Variants in GALNT17 observed in about 807,000 individuals in gnomAD.
GALNT17 encodes polypeptide N-acetylgalactosaminyltransferase 17.
Under a neutral mutation model 63.7 loss-of-function variants are expected in GALNT17, and 29 were observed. The observed-to-expected ratio is 0.46, with a 90% CI of 0.34 to 0.62. The LOEUF (loss-of-function observed/expected upper bound fraction) is 0.62. Ranked by LOEUF, GALNT17 falls within the 20% of genes least tolerant of loss-of-function variation. The probability of loss-of-function intolerance (pLI) is 0.01; values close to 1 mark genes in which losing one functional copy is unlikely to be tolerated. For missense variants in GALNT17, 603 were observed against 799.6 expected, an observed-to-expected ratio of 0.75 and a Z score of 2.97; for synonymous variants, 305 against 318.3, an observed-to-expected ratio of 0.96 and a Z score of 0.45.
At chr7:71,487,922 A>G (rs957334645) in intron 5 of GALNT17, among the ~76,000 whole-genome samples, 9 of 151,958 alleles carry the variant, frequency 5.9e-5, no homozygotes, top group African/African-American at 1.9e-4. Context: ...AATTCCAGTG[A>G]TTCAGGAGGC....
At chr7:71,161,648 A>C (rs2116251915) in intron 1 of GALNT17, among the ~76,000 whole-genome samples, 1 of 152,162 alleles carries the variant, frequency 6.6e-6, no homozygotes, top group East Asian at 1.9e-4. Context: ...TTTATTTAAA[A>C]ATTAATTTCA....
At chr7:71,489,451 T>A (rs1787970562) in intron 5 of GALNT17, among the ~76,000 whole-genome samples, 1 of 152,204 alleles carries the variant, frequency 6.6e-6, no homozygotes, top group African/African-American at 2.4e-5. Context: ...GTAAGTGACT[T>A]AACTGTTCTG....
chr7:71,574,230 C>G lies in GALNT17; in HGVS notation c.1080+2828C>G, dbSNP rs561343121. 9.2e-5 allele frequency among the ~76,000 whole-genome samples: 14 copies of G among 152,214 alleles called. No individual in the cohort carries two copies. In the South Asian group the frequency reaches 1.0e-3, roughly 11 times the overall value. ...TAATTCTATTTTAAGTTCTTTCAGCCGTTGTGGAAGGCAGTTTGGGGATTC... is the reference window on the plus strand; with the variant it reads ...TAATTCTATTTTAAGTTCTTTCAGCGGTTGTGGAAGGCAGTTTGGGGATTC... On this transcript the variant is annotated intron_variant, in intron 6 of 10. Coordinates refer to ENST00000333538, the MANE Select transcript of GALNT17 (RefSeq NM_022479.3).
chr7:71,208,510 G>T (rs924190124), intron 1 of GALNT17, among the ~76,000 whole-genome samples: 5 of 147,114 alleles, frequency 3.4e-5, no homozygotes, highest in Admixed American at 2.1e-4. Flanking sequence ...GTGTGCAGTG[G>T]TGTGATCATA....
intron 6 of GALNT17, among the ~76,000 whole-genome samples, chr7:71,642,259 C>T (rs554345484): frequency 6.6e-6 from 1 of 152,200 alleles, no homozygotes; most frequent in Admixed American, 6.5e-5. Flanking sequence ...CTAAAACACA[C>T]TGGGGAGATG....
chr7:71,482,373 C>T (rs118180427), intron 5 of GALNT17, among the ~76,000 whole-genome samples: 2,358 of 152,214 alleles, frequency 0.015, 29 homozygotes, highest in Middle Eastern at 0.027. Context: ...TGGCCTCCAA[C>T]GCCTGACCTC....
At chr7:71,675,275 T>C (rs765161984) in intron 8 of GALNT17, among the ~76,000 whole-genome samples, 1 of 152,212 alleles carries the variant, frequency 6.6e-6, no homozygotes, top group Non-Finnish European at 1.5e-5. Flanking sequence ...GCAGGGACTA[T>C]GTTATTTATC....
At chr7:71,286,194 C>T (rs189685469) in intron 1 of GALNT17, among the ~76,000 whole-genome samples, 32 of 152,300 alleles carry the variant, frequency 2.1e-4, no homozygotes, top group African/African-American at 6.3e-4. Context: ...TTAGAAGGGG[C>T]CCATGTAATT....
intron 2 of GALNT17, among the ~76,000 whole-genome samples, chr7:71,368,298 C>G (rs891101026): frequency 6.6e-6 from 1 of 152,230 alleles, no homozygotes; most frequent in Non-Finnish European, 1.5e-5. Flanking sequence ...ACCTGGTACA[C>G]TGCTGTCTTC....
At chr7:71,674,418 A>G (rs1791117354) in intron 8 of GALNT17, among the ~76,000 whole-genome samples, 2 of 150,702 alleles carry the variant, frequency 1.3e-5, no homozygotes, top group South Asian at 4.2e-4. Flanking sequence ...TGATCATGAC[A>G]TACTATAGCC....
chr7:71,574,989 G>T (rs1477071092), intron 6 of GALNT17, among the ~76,000 whole-genome samples: 1 of 152,106 alleles, frequency 6.6e-6, no homozygotes, highest in Admixed American at 6.5e-5. Context: ...AGCCTACACA[G>T]CCAGAGTCCT....
intron 1 of GALNT17, among the ~76,000 whole-genome samples, chr7:71,208,052 C>T (rs572864217): frequency 6.6e-6 from 1 of 152,086 alleles, no homozygotes; most frequent in African/African-American, 2.4e-5. Flanking sequence ...CCTCCCACCT[C>T]GGCCTCCCAA....
chr7:71,200,590 A>G (rs1018327212), intron 1 of GALNT17, among the ~76,000 whole-genome samples: 2 of 152,176 alleles, frequency 1.3e-5, no homozygotes, highest in Non-Finnish European at 2.9e-5. Flanking sequence ...AATTATTTTC[A>G]TCTCTCCTTA....
intron 1 of GALNT17, among the ~76,000 whole-genome samples, chr7:71,254,954 A>C (rs1331514359): frequency 3.3e-5 from 5 of 152,248 alleles, no homozygotes; most frequent in African/African-American, 1.2e-4. Context: ...CATGTATATC[A>C]GTGGCCTTCT....
chr7:71,591,766 G>A (rs1287028256), intron 6 of GALNT17, among the ~76,000 whole-genome samples: 2 of 151,996 alleles, frequency 1.3e-5, no homozygotes, highest in Non-Finnish European at 1.5e-5. Context: ...AGATTCCAGC[G>A]ATTCTCCTGC....
chr7:71,267,201 G>A (rs1790506161), intron 1 of GALNT17, among the ~76,000 whole-genome samples: 1 of 152,198 alleles, frequency 6.6e-6, no homozygotes, highest in African/African-American at 2.4e-5. Context: ...TCCAAGCCAG[G>A]CTCTGGTTCT....
intron 1 of GALNT17, among the ~76,000 whole-genome samples, chr7:71,288,237 A>T (rs1790912914): frequency 6.8e-6 from 1 of 146,146 alleles, no homozygotes. Flanking sequence ...AAAAAAAAAA[A>T]ATCCAAACGA....
chr7:71,626,897 A>C (rs1047718519), intron 6 of GALNT17, among the ~76,000 whole-genome samples: 1 of 152,152 alleles, frequency 6.6e-6, no homozygotes, highest in African/African-American at 2.4e-5. Context: ...TGGGTGGCCA[A>C]AGCTGGGTGA....
At chr7:71,316,831 G>A (rs1276525523) in intron 1 of GALNT17, among the ~76,000 whole-genome samples, 1 of 152,176 alleles carries the variant, frequency 6.6e-6, no homozygotes, top group East Asian at 1.9e-4. Context: ...CAATGTTGGG[G>A]CCTCTTAGGA....
Sources: gnomAD v4.1 joint callset for allele counts (sites outside exome capture counted in the v4.1 genomes callset) on GRCh38, gnomAD v4.1.1 for gene constraint, MANE v1.5 for transcripts, NCBI Gene and HGNC (gene_info 2026-07-23, HGNC 2026-07-21) for gene names.